Variants in TTC3 observed in about 807,000 individuals in gnomAD.
TTC3 encodes tetratricopeptide repeat domain 3.
TTC3 carries 180 observed loss-of-function variants against 249.6 expected under a neutral mutation model. The observed-to-expected ratio is 0.72, with a 90% CI of 0.64 to 0.82. The LOEUF is 0.82. Among genes scored for constraint, TTC3 ranks in the 40% least tolerant of loss-of-function variants. The probability of loss-of-function intolerance (pLI) is 0.00; values close to 1 mark genes in which losing one functional copy is unlikely to be tolerated. For synonymous variants in TTC3, 717 were observed against 805.0 expected (o/e 0.89, Z 1.85); for missense variants, 2,061 against 2,398.4 (o/e 0.86, Z 2.94).
intron 40 of TTC3, 68 bp downstream of exon 40, chr21:37,191,492 G>A (rs2084092806): frequency 1.0e-6 from 1 of 973,052 alleles, no homozygotes; most frequent in Non-Finnish European, 1.5e-6. Context: ...GGAGGCTGGT[G>A]TCATATTGAA....
chr21:37,169,308 A>G (rs1021655685), intron 34 of TTC3, among the ~76,000 whole-genome samples: 1 of 152,158 alleles, frequency 6.6e-6, no homozygotes, highest in Non-Finnish European at 1.5e-5. Context: ...CACAATATAA[A>G]TCTATCTATA....
intron 16 of TTC3, among the ~76,000 whole-genome samples, chr21:37,131,740 A>G (rs1365912862): frequency 6.6e-6 from 1 of 152,178 alleles, no homozygotes; most frequent in African/African-American, 2.4e-5. Context: ...AGTTAGTATC[A>G]GAACTGAATT....
intron 15 of TTC3, 124 bp from the exon 16 acceptor site, chr21:37,128,878 AC>A: frequency 1.9e-6 from 1 of 522,182 alleles, no homozygotes; most frequent in East Asian, 3.5e-5. Flanking sequence ...TTTTGTAGTT[AC>A]ACCCACGTAC....
At chr21:37,177,116 A>C (rs183242412) in intron 35 of TTC3, among the ~76,000 whole-genome samples, 4 of 152,010 alleles carry the variant, frequency 2.6e-5, no homozygotes, top group African/African-American at 4.8e-5. Context: ...TTGCCTACAT[A>C]TCTGGGTTCA....
intron 30 of TTC3, 114 bp downstream of exon 30, chr21:37,160,972 ACTTT>A: frequency 1.0e-6 from 1 of 997,670 alleles, no homozygotes. Flanking sequence ...GTAGAGAAAG[ACTTT>A]CTAGGACTTA....
chr21:37,097,905 T>C, intron 10 of TTC3: 3 of 707,416 alleles, frequency 4.2e-6, no homozygotes, highest in Non-Finnish European at 7.9e-6. Context: ...TTTTCTTTTA[T>C]TGTAAACAGA....
rs528707505 is a variant in TTC3, at chr21:37,155,401, C to T, written c.2741-1254C>T. 2.0e-5 allele frequency among the ~76,000 whole-genome samples: 3 copies of T among 152,328 alleles called. No homozygotes were observed. The South Asian group carries it at 6.2e-4, about 32-fold the overall frequency. ...GCATTCCCCTCACTGACCACAAGCT[C>T]TGACGTGGATAGGGAACGGGAATGT... On this transcript the variant is annotated intron_variant, in intron 27 of 45. Coordinates refer to ENST00000355666, the Ensembl canonical transcript of TTC3.
intron 11 of TTC3, among the ~76,000 whole-genome samples, chr21:37,117,542 T>C (rs1322023555): frequency 2.0e-5 from 3 of 152,154 alleles, no homozygotes; most frequent in African/African-American, 4.8e-5. Flanking sequence ...ATACTGGTTT[T>C]CCAGAAATAC....
At chr21:37,179,210 C>T (rs887712794) in intron 35 of TTC3, among the ~76,000 whole-genome samples, 6 of 152,132 alleles carry the variant, frequency 3.9e-5, no homozygotes, top group African/African-American at 1.4e-4. Context: ...TCACTTGAGA[C>T]CAGGAAGTTG....
At chr21:37,131,489 T>C (rs1025598307) in intron 16 of TTC3, among the ~76,000 whole-genome samples, 2 of 152,302 alleles carry the variant, frequency 1.3e-5, no homozygotes, top group Admixed American at 6.5e-5. Flanking sequence ...CCCCCCAACC[T>C]TCCTATGCAT....
intron 20 of TTC3, among the ~76,000 whole-genome samples, chr21:37,141,275 C>T (rs898735400): frequency 2.0e-5 from 3 of 152,158 alleles, no homozygotes; most frequent in Admixed American, 6.5e-5. Context: ...GTTTCTGCCA[C>T]TTGTACCCAA....
At position 37,197,881 on chromosome 21, in the gene TTC3, G is replaced by T; in HGVS notation, c.5707-1G>T. The T allele has an allele frequency of 6.2e-7, 1 of 1,611,206 alleles. No homozygotes were observed. Among genetic ancestry groups the T allele is most frequent in the East Asian group, 2.2e-5 (1 of 44,816 alleles). On this transcript the variant is annotated splice_acceptor_variant, in intron 43 of 45. Transcript: ENST00000355666. LOFTEE classifies it high-confidence loss of function. ...CCCCGCCACCCCTGTTATTTTCGCA[G>T]CCAAACCCAGGAAAGGACAAGAGGA...
chr21:37,179,834 C>T (rs558266546), intron 35 of TTC3, among the ~76,000 whole-genome samples: 1 of 152,272 alleles, frequency 6.6e-6, no homozygotes, highest in African/African-American at 2.4e-5. Context: ...GTTGACAGCA[C>T]CTAGCTTAGT....
chr21:37,150,896 A>C lies in TTC3; in HGVS notation c.2276+12A>C. On this transcript the variant is annotated intron_variant, in intron 25 of 45. Coordinates refer to ENST00000355666, the Ensembl canonical transcript of TTC3. ...CAGAAATGTTCTAGGTAAGATTTTT[A>C]ACAATCAATCAGTGGTTTGATGATG... The C allele has an allele frequency of 1.3e-6, 2 of 1,578,610 alleles. No individual in the cohort carries two copies. Among genetic ancestry groups the C allele is most frequent in the Non-Finnish European group, 1.7e-6 (2 of 1,151,946 alleles).
chr21:37,166,302 G>T, exon 33 of TTC3: 1 of 1,614,184 alleles, frequency 6.2e-7, no homozygotes, highest in Non-Finnish European at 8.5e-7. Context: ...CAGCTACCAA[G>T]ATCAGTACCA....
chr21:37,095,544 C>A, intron 9 of TTC3, 100 bp downstream of exon 9: 1 of 805,788 alleles, frequency 1.2e-6, no homozygotes, highest in Non-Finnish European at 1.9e-6. Context: ...TGGAGAGTAT[C>A]TTCCAACTTG....
chr21:37,177,912 C>CT (rs1569151981), intron 35 of TTC3, among the ~76,000 whole-genome samples: 1 of 152,172 alleles, frequency 6.6e-6, no homozygotes, highest in Admixed American at 6.5e-5. Flanking sequence ...GTAGCACAAT[C>CT]TAAGTTTCAA....
intron 12 of TTC3, among the ~76,000 whole-genome samples, chr21:37,122,501 G>T (rs2076702712): frequency 6.7e-6 from 1 of 149,224 alleles, no homozygotes; most frequent in South Asian, 2.1e-4. Context: ...GCTAGGAGTT[G>T]TAGATTTTCA....
chr21:37,140,438 C>A, intron 19 of TTC3, 123 bp from the exon 20 acceptor site: 1 of 602,076 alleles, frequency 1.7e-6, no homozygotes, highest in Non-Finnish European at 2.7e-6. Flanking sequence ...ATAATTTTGC[C>A]ACAGGAATTT....
Sources: allele counts gnomAD v4.1 joint callset (sites outside exome capture counted in the v4.1 genomes callset), GRCh38; gene constraint gnomAD v4.1.1; transcripts MANE v1.5; gene names NCBI Gene and HGNC (gene_info 2026-07-23, HGNC 2026-07-21).